KCND3: variants seen among roughly 807,000 people sequenced by gnomAD.
KCND3 encodes the protein potassium voltage-gated channel subfamily D member 3, also known as A-type voltage-gated potassium channel KCND3.
A neutral mutation model predicts 51.1 loss-of-function variants in KCND3; 9 were observed. The observed-to-expected ratio is 0.18, with a 90% CI of 0.11 to 0.31. The LOEUF is 0.31. Ranked by LOEUF, KCND3 falls within the 10% of genes least tolerant of loss-of-function variation. The pLI, the probability that KCND3 is intolerant of heterozygous loss-of-function variation, is 1.00. For missense variants in KCND3, 526 were observed against 903.8 expected (o/e 0.58, Z 5.36); for synonymous variants, 349 against 368.0 (o/e 0.95, Z 0.59).
chr1:111,773,150 A>G lies in KCND3; in HGVS notation c.*2927T>C, dbSNP rs1026641444. 6.6e-6 allele frequency: 1 copy of G among 152,246 alleles called. No individual in the cohort carries two copies. The highest frequency in any genetic ancestry group is 1.5e-5 in the Non-Finnish European group (1 of 68,048). The allele number at this position is 152,246 out of a possible 1,614,324, so 9.4% of individuals were successfully genotyped here. A position where few individuals can be genotyped will look rare whatever the true frequency, so the allele number is the denominator to read the frequency against. Reference sequence around the variant, plus strand: ...GTCTAATGGTCTTTTAGGAAGTGGCATGACGTGGGCTCTGAACGTGAAGTG... The same window carrying G: ...GTCTAATGGTCTTTTAGGAAGTGGCGTGACGTGGGCTCTGAACGTGAAGTG... On this transcript the variant is annotated 3_prime_UTR_variant, in exon 8 of 8. Coordinates refer to ENST00000302127, the MANE Select transcript of KCND3 (RefSeq NM_001378969.1).
chr1:111,806,503 T>C (rs1665580121), intron 2 of KCND3, among the ~76,000 whole-genome samples: 1 of 152,222 alleles, frequency 6.6e-6, no homozygotes, highest in Admixed American at 6.5e-5. Context: ...ACCATTGTTT[T>C]CTCATCTGTA....
At chr1:111,872,897 T>A (rs1250802031) in intron 2 of KCND3, among the ~76,000 whole-genome samples, 3 of 152,230 alleles carry the variant, frequency 2.0e-5, no homozygotes, top group Non-Finnish European at 4.4e-5. Flanking sequence ...AACTCCAGGA[T>A]GGACACTCAC....
chr1:111,881,646 C>T (rs1261662896), intron 2 of KCND3, among the ~76,000 whole-genome samples: 4 of 152,204 alleles, frequency 2.6e-5, no homozygotes, highest in African/African-American at 9.6e-5. Flanking sequence ...CCGGGGCAGC[C>T]CCTGGGGCAG....
intron 2 of KCND3, among the ~76,000 whole-genome samples, chr1:111,801,389 G>A (rs1665300933): frequency 6.6e-6 from 1 of 152,214 alleles, no homozygotes; most frequent in Admixed American, 6.5e-5. Context: ...AGGGAGCTAG[G>A]ACACAGAAGC....
chr1:111,904,602 AG>A (rs1670551479), intron 2 of KCND3, among the ~76,000 whole-genome samples: 3 of 152,300 alleles, frequency 2.0e-5, no homozygotes, highest in South Asian at 4.1e-4. Context: ...TACCCAGTGC[AG>A]GAGCTAAATA....
chr1:111,925,571 C>A (rs1324017245), intron 2 of KCND3, among the ~76,000 whole-genome samples: 3 of 152,184 alleles, frequency 2.0e-5, no homozygotes. Flanking sequence ...GTCACTTAAT[C>A]TCTCTGGGGC....
intron 6 of KCND3, 86 bp downstream of exon 6, chr1:111,778,350 C>T (rs757406747): frequency 4.7e-6 from 6 of 1,284,634 alleles, no homozygotes; most frequent in Non-Finnish European, 6.8e-6. Context: ...ATGCACAGAA[C>T]CAGGCCGGGG....
intron 2 of KCND3, among the ~76,000 whole-genome samples, chr1:111,819,744 C>T (rs1052017720): frequency 2.6e-5 from 4 of 152,172 alleles, no homozygotes; most frequent in African/African-American, 7.2e-5. Context: ...GTTAGCCATA[C>T]GAGGGTCTTG....
intron 2 of KCND3, among the ~76,000 whole-genome samples, chr1:111,865,301 A>C (rs139870639): frequency 1.0e-3 from 153 of 152,366 alleles, no homozygotes; most frequent in African/African-American, 3.6e-3. Context: ...TCGGCTATTG[A>C]AGCCAAACTA....
intron 2 of KCND3, among the ~76,000 whole-genome samples, chr1:111,950,141 C>A (rs1329148584): frequency 6.6e-6 from 1 of 152,198 alleles, no homozygotes; most frequent in African/African-American, 2.4e-5. Flanking sequence ...AAACTCCTCA[C>A]CTCAGGTGAT....
rs1169448297 is a variant in KCND3, at chr1:111,852,716, C to T, written c.1107-65610G>A. ...TGCATGCATAAAAAATGAGCCAGCACCTCCAAAAGAAAAATAAAATTGCTG... is the reference window on the plus strand; with the variant it reads ...TGCATGCATAAAAAATGAGCCAGCATCTCCAAAAGAAAAATAAAATTGCTG... On this transcript the variant is annotated intron_variant, in intron 2 of 7. Coordinates refer to ENST00000302127, the MANE Select transcript of KCND3 (RefSeq NM_001378969.1). Among the ~76,000 whole-genome samples the T allele has an allele frequency of 2.6e-5, 4 of 152,190 alleles. No individual in the cohort carries two copies. In the South Asian group the frequency reaches 6.2e-4, roughly 24 times the overall value.
At chr1:111,878,227 T>C (rs1013086561) in intron 2 of KCND3, among the ~76,000 whole-genome samples, 3 of 152,238 alleles carry the variant, frequency 2.0e-5, no homozygotes, top group African/African-American at 7.2e-5. Context: ...CAGAGAAGCA[T>C]GTACGTGAAA....
chr1:111,776,269 G>T lies in KCND3; in HGVS notation c.1776C>A (p.Ser592Arg), dbSNP rs1178039863. ...EQPSLTTSRS[S>R]LNLKADDGLR... is the part of the protein sequence containing the mutation. Reference sequence around the variant, plus strand: ...GTCCGTCGTCTGCTTTCAAATTAAGGCTGGAGCGACTGGGATAGAAAAGAG... The same window carrying T: ...GTCCGTCGTCTGCTTTCAAATTAAGTCTGGAGCGACTGGGATAGAAAAGAG... The change falls in exon 8 of 8, where the codon AGC becomes AGA. Residue 592 changes from serine to arginine, a missense_variant. Physicochemically the swap from Ser to Arg is moderately radical, Grantham distance 110 (BLOSUM62 -1). Coordinates refer to ENST00000302127, the MANE Select transcript of KCND3 (RefSeq NM_001378969.1). 1 of 1,613,996 alleles carries T rather than the reference G, an allele frequency of 6.2e-7. No homozygotes were observed. The highest frequency in any genetic ancestry group is 8.5e-7 in the Non-Finnish European group (1 of 1,179,944).
intron 2 of KCND3, among the ~76,000 whole-genome samples, chr1:111,828,320 T>C (rs916059065): frequency 1.9e-4 from 29 of 152,346 alleles, no homozygotes; most frequent in Non-Finnish European, 2.2e-4. Flanking sequence ...TCCGTCTACC[T>C]GTGGCCATCT....
chr1:111,883,915 A>G lies in KCND3; in HGVS notation c.1107-96809T>C, dbSNP rs549891706. On this transcript the variant is annotated intron_variant, in intron 2 of 7. Transcript: ENST00000302127. Reference sequence around the variant, plus strand: ...TGGGTATTGCTTTCTCCATTCTTAAAGATGAGAAACTGATTCTTTGAGGCA... The same window carrying G: ...TGGGTATTGCTTTCTCCATTCTTAAGGATGAGAAACTGATTCTTTGAGGCA... Among the ~76,000 whole-genome samples the G allele has an allele frequency of 1.8e-4, 27 of 152,352 alleles. 1 individual carries two copies. Among genetic ancestry groups the G allele is most frequent in the African/African-American group, 5.8e-4 (24 of 41,576 alleles).
intron 7 of KCND3, 67 bp from the exon 8 acceptor site, chr1:111,776,345 C>G (rs1664110617): frequency 8.2e-6 from 12 of 1,467,154 alleles, no homozygotes; most frequent in Middle Eastern, 1.8e-4. Flanking sequence ...TCCTTGACCC[C>G]CTACATTTCT....
intron 2 of KCND3, among the ~76,000 whole-genome samples, chr1:111,913,698 A>T (rs1010725724): frequency 1.3e-5 from 2 of 152,194 alleles, no homozygotes; most frequent in African/African-American, 4.8e-5. Flanking sequence ...ACTTGAGCCC[A>T]GGAGTTGGAG....
In KCND3 at chr1:111,964,851, C is replaced by T. The variant is rs553005607; in HGVS notation, c.1106+16770G>A. Among the ~76,000 whole-genome samples, 7 of 152,248 alleles carry T rather than the reference C, an allele frequency of 4.6e-5. No homozygotes were observed. In the East Asian group the frequency reaches 1.4e-3, roughly 29 times the overall value. On this transcript the variant is annotated intron_variant, in intron 2 of 7. Coordinates refer to ENST00000302127, the MANE Select transcript of KCND3 (RefSeq NM_001378969.1). The stretch of plus-strand genomic sequence containing the variant: ...CTTCCCTCACCTTTCTCCCCATTTC[C>T]CGATGTGTGCAATCTTTAACTCTGC...
At chr1:111,833,138 C>G (rs577591683) in intron 2 of KCND3, among the ~76,000 whole-genome samples, 3 of 152,270 alleles carry the variant, frequency 2.0e-5, no homozygotes, top group Non-Finnish European at 4.4e-5. Flanking sequence ...TTTGACATCT[C>G]TGTGCTTTGC....
Sources: allele counts gnomAD v4.1 joint callset (sites outside exome capture counted in the v4.1 genomes callset), GRCh38; gene constraint gnomAD v4.1.1; transcripts MANE v1.5; gene names NCBI Gene and HGNC (gene_info 2026-07-23, HGNC 2026-07-21).